ENTREP2: variants seen among roughly 807,000 people sequenced by gnomAD.
ENTREP2 encodes the protein endosomal transmembrane epsin interactor 2.
chr15:29,421,338 G>A, the ENTREP2 span, among the ~76,000 whole-genome samples: 4 of 152,208 alleles, frequency 2.6e-5, no homozygotes, highest in Admixed American at 6.5e-5. Context: ...CACTCTGGAG[G>A]ATGAGGAAGG....
the ENTREP2 span, among the ~76,000 whole-genome samples, chr15:29,537,904 C>T: frequency 6.6e-6 from 1 of 152,142 alleles, no homozygotes; most frequent in African/African-American, 2.4e-5. Flanking sequence ...TTGGCCTCTG[C>T]ACTTGCTCTG....
the ENTREP2 span, among the ~76,000 whole-genome samples, chr15:29,262,172 T>C: frequency 6.6e-6 from 1 of 152,010 alleles, no homozygotes; most frequent in Non-Finnish European, 1.5e-5. Flanking sequence ...TGTTATGATA[T>C]ATACATATTG....
At chr15:29,454,220 T>C in the ENTREP2 span, among the ~76,000 whole-genome samples, 2 of 152,220 alleles carry the variant, frequency 1.3e-5, no homozygotes, top group African/African-American at 4.8e-5. Flanking sequence ...CTTTTCTATT[T>C]GCCTTTTATT....
At chr15:29,322,561 A>G in the ENTREP2 span, among the ~76,000 whole-genome samples, 1 of 152,262 alleles carries the variant, frequency 6.6e-6, no homozygotes. Flanking sequence ...GAGTCACACA[A>G]GAAGCTGCCT....
the ENTREP2 span, among the ~76,000 whole-genome samples, chr15:29,372,219 TTCCTCCTCC>T: frequency 6.6e-6 from 1 of 152,086 alleles, no homozygotes; most frequent in African/African-American, 2.4e-5. Flanking sequence ...ACCCCTCCTC[TTCCTCCTCC>T]TCCTCAGCCT....
At chr15:29,173,006 G>A in the ENTREP2 span, among the ~76,000 whole-genome samples, 10 of 152,174 alleles carry the variant, frequency 6.6e-5, no homozygotes, top group African/African-American at 2.4e-4. Context: ...ACCCTCTGCA[G>A]CCTATTTCTG....
chr15:29,153,010 ATGTTT>A, the ENTREP2 span, among the ~76,000 whole-genome samples: 1 of 152,136 alleles, frequency 6.6e-6, no homozygotes, highest in African/African-American at 2.4e-5. Flanking sequence ...CCTTTATAAA[ATGTTT>A]TATTTTGCAT....
the ENTREP2 span, among the ~76,000 whole-genome samples, chr15:29,410,600 C>T: frequency 6.6e-6 from 1 of 152,208 alleles, no homozygotes; most frequent in Non-Finnish European, 1.5e-5. Context: ...CTCCCTCTGC[C>T]TTCCTGACTG....
the ENTREP2 span, among the ~76,000 whole-genome samples, chr15:29,657,063 T>C: frequency 3.9e-5 from 6 of 152,136 alleles, no homozygotes; most frequent in Non-Finnish European, 7.3e-5. Context: ...CTCTTTTCTT[T>C]TTGAGACCGA....
chr15:29,434,591 A>G, the ENTREP2 span, among the ~76,000 whole-genome samples: 1 of 152,148 alleles, frequency 6.6e-6, no homozygotes, highest in African/African-American at 2.4e-5. Context: ...TGCAAAATAA[A>G]CCATGAAGGA....
At chr15:29,441,627 G>T in the ENTREP2 span, among the ~76,000 whole-genome samples, 2 of 152,058 alleles carry the variant, frequency 1.3e-5, no homozygotes, top group Admixed American at 6.6e-5. Flanking sequence ...GCATATAGAC[G>T]ATATTTTTTT....
chr15:29,252,592 A>G, the ENTREP2 span: 7 of 571,250 alleles, frequency 1.2e-5, no homozygotes, highest in South Asian at 2.0e-4. Context: ...ACATAATTAC[A>G]TGAATAACAT....
the ENTREP2 span, among the ~76,000 whole-genome samples, chr15:29,427,984 T>C: frequency 6.6e-6 from 1 of 152,140 alleles, no homozygotes; most frequent in Non-Finnish European, 1.5e-5. Flanking sequence ...GAGTGATAAA[T>C]ATCATAATAT....
At chr15:29,365,726 A>G in the ENTREP2 span, among the ~76,000 whole-genome samples, 1 of 151,820 alleles carries the variant, frequency 6.6e-6, no homozygotes, top group African/African-American at 2.4e-5. Flanking sequence ...TTTGTCCTTT[A>G]AAAGTCTGCA....
At chr15:29,128,779 G>A in the ENTREP2 span, 2 of 1,549,780 alleles carry the variant, frequency 1.3e-6, no homozygotes, top group Non-Finnish European at 1.7e-6. Context: ...GCTGAAAGAG[G>A]TAAGCTTACC....
At chr15:29,595,004 C>T in the ENTREP2 span, among the ~76,000 whole-genome samples, 2 of 131,564 alleles carry the variant, frequency 1.5e-5, no homozygotes, top group Admixed American at 9.3e-5. Context: ...GGAGGCGGAG[C>T]TTGGAGTGAG....
At chr15:29,124,881 G>T in the ENTREP2 span, 1 of 887,470 alleles carries the variant, frequency 1.1e-6, no homozygotes, top group Non-Finnish European at 1.8e-6. Context: ...GAAGCCTGCT[G>T]AGCTGACACC....
At chr15:29,422,713 G>A in the ENTREP2 span, among the ~76,000 whole-genome samples, 1,832 of 152,284 alleles carry the variant, frequency 0.012, 33 homozygotes, top group African/African-American at 0.042. Flanking sequence ...CTTTGTAAGA[G>A]TAGACCAGGG....
chr15:29,583,435 C>A, the ENTREP2 span, among the ~76,000 whole-genome samples: 1 of 152,022 alleles, frequency 6.6e-6, no homozygotes, highest in Admixed American at 6.5e-5. Context: ...GGGAGCTGAA[C>A]AATGAGAACA....
Sources: allele counts gnomAD v4.1 joint callset (sites outside exome capture counted in the v4.1 genomes callset), GRCh38; gene constraint gnomAD v4.1.1; transcripts MANE v1.5; gene names NCBI Gene and HGNC (gene_info 2026-07-23, HGNC 2026-07-21).